DEK: variants seen among roughly 807,000 people sequenced by gnomAD.
DEK encodes DEK proto-oncogene.
DEK carries 28 observed loss-of-function variants against 46.8 expected under a neutral mutation model. That is an observed-to-expected ratio of 0.60 (90% CI 0.44 to 0.82). DEK has a LOEUF of 0.82. DEK is among the 40% of genes least tolerant of loss of function. DEK has a pLI of 0.00. For missense variants in DEK, 416 were observed against 430.6 expected, an observed-to-expected ratio of 0.97 and a Z score of 0.30; for synonymous variants, 160 against 144.5, an observed-to-expected ratio of 1.11 and a Z score of -0.77.
chr6:18,252,372 G>A (rs1791414265), intron 6 of DEK, among the ~76,000 whole-genome samples: 3 of 151,704 alleles, frequency 2.0e-5, no homozygotes, highest in African/African-American at 7.3e-5. Flanking sequence ...AGCCACACAT[G>A]GTAGCATACA....
chr6:18,239,338 C>CTTTT (rs58941276), intron 7 of DEK, among the ~76,000 whole-genome samples: 71 of 78,270 alleles, frequency 9.1e-4, no homozygotes, highest in Non-Finnish European at 1.2e-3. Flanking sequence ...ATTTTAGTGT[C>CTTTT]TTTTTTTTTT....
At chr6:18,243,599 C>T (rs1259769749) in intron 7 of DEK, among the ~76,000 whole-genome samples, 1 of 152,166 alleles carries the variant, frequency 6.6e-6, no homozygotes, top group Non-Finnish European at 1.5e-5. Flanking sequence ...CCTCTCCATT[C>T]CCAAGGTCAA....
intron 4 of DEK, 81 bp downstream of exon 4, chr6:18,257,872 T>C: frequency 5.1e-6 from 5 of 976,668 alleles, no homozygotes; most frequent in Non-Finnish European, 7.6e-6. Context: ...GAAATTGAAC[T>C]AGTGGATCAC....
chr6:18,237,860 CTT>C (rs60332682), intron 7 of DEK, among the ~76,000 whole-genome samples: 1,991 of 88,274 alleles, frequency 0.023, 16 homozygotes, highest in African/African-American at 0.084. Context: ...CAACTGGAAT[CTT>C]TTTTTTTTTT....
intron 9 of DEK, among the ~76,000 whole-genome samples, chr6:18,227,205 C>G (rs561246807): frequency 6.6e-6 from 1 of 152,230 alleles, no homozygotes; most frequent in East Asian, 1.9e-4. Context: ...AGGAACGCCT[C>G]TTTGCAGTTG....
Position 18,258,301 on chromosome 6 carries a change from T to C in DEK, c.247+3A>G, listed in dbSNP as rs767014420. On this transcript the variant is annotated splice_donor_region_variant and intron_variant, in intron 3 of 10. Coordinates refer to ENST00000652689, the MANE Select transcript of DEK (RefSeq NM_003472.4). ...AAATGAAAGGAAGCTAGAATAAACTTACCTTGTGCAATTGTAAATGGCTCT... is the reference window on the plus strand; with the variant it reads ...AAATGAAAGGAAGCTAGAATAAACTCACCTTGTGCAATTGTAAATGGCTCT... 7 of 1,602,848 alleles carry C rather than the reference T, an allele frequency of 4.4e-6. No homozygotes were observed. The highest frequency in any genetic ancestry group is 4.0e-5 in the African/African-American group (3 of 74,266).
At chr6:18,260,180 CAT>C (rs1442917124) in intron 2 of DEK, among the ~76,000 whole-genome samples, 1 of 152,140 alleles carries the variant, frequency 6.6e-6, no homozygotes, top group Non-Finnish European at 1.5e-5. Flanking sequence ...ACCATCTTCC[CAT>C]ATACTTTATA....
At chr6:18,258,442 G>A (rs921276386) in intron 2 of DEK, 37 bp from the exon 3 acceptor site, 3 of 1,503,858 alleles carry the variant, frequency 2.0e-6, no homozygotes, top group Non-Finnish European at 1.8e-6. Context: ...TTAACAAAAA[G>A]CTTAAACATT....
chr6:18,239,338 CTTTTTTTTTTTTTT>C (rs58941276), intron 7 of DEK, among the ~76,000 whole-genome samples: 5 of 78,294 alleles, frequency 6.4e-5, no homozygotes, highest in African/African-American at 3.0e-4. Flanking sequence ...ATTTTAGTGT[CTTTTTTTTTTTTTT>C]TTTTTTTTTA....
intron 9 of DEK, among the ~76,000 whole-genome samples, chr6:18,235,256 A>T (rs916006628): frequency 6.6e-5 from 10 of 152,242 alleles, no homozygotes; most frequent in African/African-American, 1.7e-4. Flanking sequence ...GAAGAAACTC[A>T]AACTCTAACA....
intron 2 of DEK, among the ~76,000 whole-genome samples, chr6:18,260,577 C>T (rs1190956068): frequency 1.3e-5 from 2 of 152,198 alleles, no homozygotes. Context: ...TCTCTCACTT[C>T]CCTTTTCCCC....
chr6:18,263,546 A>C (rs1478799301), intron 2 of DEK, among the ~76,000 whole-genome samples: 2 of 152,198 alleles, frequency 1.3e-5, no homozygotes, highest in Non-Finnish European at 2.9e-5. Flanking sequence ...TCCAAGACCT[A>C]CAAACTTCCC....
chr6:18,252,509 C>CAAAAAAAAAAAAAAAAAAAAAA (rs61626818), intron 6 of DEK, among the ~76,000 whole-genome samples: 1 of 29,144 alleles, frequency 3.4e-5, no homozygotes, highest in Non-Finnish European at 6.4e-5. Flanking sequence ...ACGCTGTCTC[C>CAAAAAAAAAAAAAAAAAAAAAA]AAAAAAAAAA....
chr6:18,235,786 G>A (rs962093836), intron 9 of DEK, among the ~76,000 whole-genome samples: 10 of 152,202 alleles, frequency 6.6e-5, no homozygotes, highest in South Asian at 2.1e-4. Flanking sequence ...ACCACATCTA[G>A]CTTCTACCTG....
intron 5 of DEK, 87 bp from the exon 6 acceptor site, chr6:18,255,938 T>C (rs1561990444): frequency 1.0e-5 from 15 of 1,466,324 alleles, no homozygotes; most frequent in African/African-American, 4.3e-5. Flanking sequence ...GCCAACCAAA[T>C]TGGCTCAGTT....
At chr6:18,259,038 C>T (rs377451824) in intron 2 of DEK, among the ~76,000 whole-genome samples, 11 of 152,006 alleles carry the variant, frequency 7.2e-5, no homozygotes, top group Middle Eastern at 3.4e-3. Context: ...TGTTTAGTCA[C>T]AAAAATCTAC....
chr6:18,259,133 A>G (rs1200004361), intron 2 of DEK, among the ~76,000 whole-genome samples: 1 of 151,892 alleles, frequency 6.6e-6, no homozygotes, highest in Non-Finnish European at 1.5e-5. Flanking sequence ...GATCAAGACC[A>G]TCCCGGCTAA....
intron 9 of DEK, among the ~76,000 whole-genome samples, chr6:18,228,917 G>C (rs1790267423): frequency 6.6e-6 from 1 of 152,326 alleles, no homozygotes; most frequent in Non-Finnish European, 1.5e-5. Flanking sequence ...AAGGAGGCCT[G>C]ACTGCCTCTG....
chr6:18,263,736 C>G, intron 2 of DEK, 107 bp downstream of exon 2: 1 of 1,595,376 alleles, frequency 6.3e-7, no homozygotes, highest in Non-Finnish European at 8.5e-7. Flanking sequence ...ATCACTCCGA[C>G]TTCACGCCTC....
Sources: gnomAD v4.1 joint callset for allele counts (sites outside exome capture counted in the v4.1 genomes callset) on GRCh38, gnomAD v4.1.1 for gene constraint, MANE v1.5 for transcripts, NCBI Gene and HGNC (gene_info 2026-07-23, HGNC 2026-07-21) for gene names.